ACYP2: variants seen among roughly 807,000 people sequenced by gnomAD.
ACYP2 encodes the protein acylphosphatase-2.
A neutral mutation model predicts 11.2 loss-of-function variants in ACYP2; 12 were observed. That is an observed-to-expected ratio of 1.08 (90% CI 0.69 to 1.74). The LOEUF (loss-of-function observed/expected upper bound fraction) is 1.74. ACYP2 is among the 40% of genes most tolerant of loss of function. The pLI, the probability that ACYP2 is intolerant of heterozygous loss-of-function variation, is 0.00. For synonymous variants in ACYP2, 43 were observed against 32.2 expected (o/e 1.33, Z -1.13); for missense variants, 134 against 101.9 (o/e 1.31, Z -1.35).
At chr2:54,036,543 G>T (rs1674914967) in intron 2 of ACYP2, among the ~76,000 whole-genome samples, 1 of 152,188 alleles carries the variant, frequency 6.6e-6, no homozygotes, top group African/African-American at 2.4e-5. Flanking sequence ...TTCAGATTAT[G>T]ATTTGACTTC....
intron 6 of ACYP2, among the ~76,000 whole-genome samples, chr2:54,201,228 C>G (rs148145767): frequency 6.6e-6 from 1 of 151,948 alleles, no homozygotes; most frequent in African/African-American, 2.4e-5. Context: ...GCCTCAGCTT[C>G]CCGAGTAGCA....
At chr2:54,027,557 T>C (rs1674353219) in intron 2 of ACYP2, among the ~76,000 whole-genome samples, 3 of 152,184 alleles carry the variant, frequency 2.0e-5, no homozygotes. Flanking sequence ...TCATGTCACA[T>C]AAAACTTATA....
chr2:54,111,388 C>T (rs944247875), intron 4 of ACYP2, among the ~76,000 whole-genome samples: 1 of 152,212 alleles, frequency 6.6e-6, no homozygotes, highest in African/African-American at 2.4e-5. Flanking sequence ...CATGCCCTCT[C>T]CTCACTTCAG....
chr2:54,003,488 G>C lies in ACYP2; in HGVS notation c.62+29678G>C, dbSNP rs978913665. 1.2e-4 allele frequency among the ~76,000 whole-genome samples: 18 copies of C among 151,478 alleles called. No homozygotes were observed. The South Asian group carries it at 3.8e-3, about 32-fold the overall frequency. ...TTGGTCAGGCTTGTCTTGAACTCCT[G>C]ACCTCCAGTGATCCGCCCACCTCGG... On this transcript the variant is annotated intron_variant, in intron 2 of 6. Coordinates refer to ENST00000607452, the MANE Select transcript of ACYP2 (RefSeq NM_001320586.2).
chr2:54,211,245 T>A (rs1685319123), intron 6 of ACYP2, among the ~76,000 whole-genome samples: 1 of 152,264 alleles, frequency 6.6e-6, no homozygotes, highest in Admixed American at 6.5e-5. Flanking sequence ...AATTTTTGTT[T>A]TAGAAATACT....
intron 6 of ACYP2, among the ~76,000 whole-genome samples, chr2:54,162,560 C>T (rs1287214522): frequency 6.6e-6 from 1 of 152,054 alleles, no homozygotes; most frequent in Non-Finnish European, 1.5e-5. Context: ...TCGGCTCCCA[C>T]CCTAGACGTA....
At chr2:54,232,402 C>T (rs372308934) in intron 6 of ACYP2, among the ~76,000 whole-genome samples, 2 of 152,132 alleles carry the variant, frequency 1.3e-5, no homozygotes, top group African/African-American at 4.8e-5. Context: ...GGGTCATTGA[C>T]TGGCTTATCC....
chr2:54,027,470 C>G (rs534905169), intron 2 of ACYP2, among the ~76,000 whole-genome samples: 1 of 152,290 alleles, frequency 6.6e-6, no homozygotes, highest in Admixed American at 6.5e-5. Flanking sequence ...TTCCATCATA[C>G]CTTTTGTCTT....
intron 2 of ACYP2, among the ~76,000 whole-genome samples, chr2:54,020,867 A>G (rs150890902): frequency 8.7e-4 from 132 of 152,350 alleles, no homozygotes; most frequent in African/African-American, 2.9e-3. Flanking sequence ...TTTTTCAGAA[A>G]TACCAAAGGT....
chr2:54,162,583 C>T (rs2103831892), intron 6 of ACYP2, among the ~76,000 whole-genome samples: 1 of 152,196 alleles, frequency 6.6e-6, no homozygotes, highest in East Asian at 1.9e-4. Flanking sequence ...GAATCAGAAA[C>T]CCTGGGGATG....
At chr2:54,255,733 T>C in intron 6 of ACYP2, 1 of 1,613,878 alleles carries the variant, frequency 6.2e-7, no homozygotes. Flanking sequence ...TGCAATCACT[T>C]CAGACTCCGA....
chr2:54,113,386 G>A (rs1183746588), intron 4 of ACYP2, among the ~76,000 whole-genome samples: 3 of 151,940 alleles, frequency 2.0e-5, no homozygotes, highest in Admixed American at 6.6e-5. Flanking sequence ...GGGACTACAG[G>A]CACAGGCCAC....
chr2:54,137,617 C>T (rs893333289), intron 5 of ACYP2, among the ~76,000 whole-genome samples: 11 of 152,258 alleles, frequency 7.2e-5, no homozygotes, highest in Admixed American at 6.5e-4. Context: ...TGATCTCATT[C>T]TTTTTTATGG....
intron 6 of ACYP2, among the ~76,000 whole-genome samples, chr2:54,279,785 C>G (rs541813467): frequency 6.6e-6 from 1 of 152,156 alleles, no homozygotes; most frequent in Non-Finnish European, 1.5e-5. Flanking sequence ...CTTCATCATT[C>G]CAAGTATTAT....
At chr2:53,982,471 G>A (rs575614607) in intron 2 of ACYP2, among the ~76,000 whole-genome samples, 1 of 152,282 alleles carries the variant, frequency 6.6e-6, no homozygotes, top group Admixed American at 6.5e-5. Flanking sequence ...TCCTCAAGCA[G>A]TTCACTTTCT....
intron 2 of ACYP2, among the ~76,000 whole-genome samples, chr2:54,030,112 A>G (rs969948242): frequency 6.6e-6 from 1 of 152,214 alleles, no homozygotes; most frequent in Non-Finnish European, 1.5e-5. Context: ...TGTTTCAATT[A>G]GAAGGTCGGA....
In ACYP2 at chr2:54,010,737, C is replaced by CTTTTT. The variant is rs539896151; in HGVS notation, c.62+36951_62+36955dup. On this transcript the variant is annotated intron_variant, in intron 2 of 6. Transcript: ENST00000607452. The stretch of plus-strand genomic sequence containing the variant: ...CTTCGGTTTCTCTTTTTCTTTCTTT[C>CTTTTT]TTTTTTTTTTTTTTTTTTTTTTTTT... 6.2e-3 allele frequency among the ~76,000 whole-genome samples: 666 copies of CTTTTT among 107,504 alleles called. 5 individuals carry two copies. The highest frequency in any genetic ancestry group is 0.011 in the African/African-American group (306 of 27,008). 70.5% of individuals were successfully genotyped at this position (107,504 alleles called of 152,430 possible).
intron 2 of ACYP2, chr2:54,050,931 TAATTAA>T (rs1332185631): frequency 7.4e-6 from 3 of 406,918 alleles, no homozygotes; most frequent in African/African-American, 6.2e-5. Flanking sequence ...TGCACCCAAC[TAATTAA>T]ATTTTTTTCT....
chr2:54,270,806 C>T (rs1159738546), intron 6 of ACYP2, among the ~76,000 whole-genome samples: 2 of 152,166 alleles, frequency 1.3e-5, no homozygotes, highest in Non-Finnish European at 2.9e-5. Context: ...AGAGCAGCAT[C>T]ATAAGTCACA....
Sources: gnomAD v4.1 joint callset for allele counts (sites outside exome capture counted in the v4.1 genomes callset) on GRCh38, gnomAD v4.1.1 for gene constraint, MANE v1.5 for transcripts, NCBI Gene and HGNC (gene_info 2026-07-23, HGNC 2026-07-21) for gene names.